The following STRN4 variants were observed in gnomAD, a reference collection of about 807,000 sequenced individuals.
STRN4 encodes striatin-4.
A neutral mutation model predicts 77.9 loss-of-function variants in STRN4; 27 were observed. The observed-to-expected ratio is 0.35, with a 90% CI of 0.26 to 0.48. The LOEUF (loss-of-function observed/expected upper bound fraction) is 0.48. Ranked by LOEUF, STRN4 falls within the 20% of genes least tolerant of loss-of-function variation. The pLI is 0.99. For missense variants in STRN4, 798 were observed against 1,049.7 expected, an observed-to-expected ratio of 0.76 and a Z score of 3.31; for synonymous variants, 466 against 443.1, an observed-to-expected ratio of 1.05 and a Z score of -0.65.
intron 4 of STRN4, chr19:46,736,071 T>G (rs983691919): frequency 1.3e-5 from 2 of 151,892 alleles, no homozygotes; most frequent in East Asian, 1.9e-4. Context: ...CTCAGGAGTT[T>G]GAGACCAGCC....
intron 4 of STRN4, chr19:46,736,341 A>G (rs935552623): frequency 6.6e-6 from 1 of 152,382 alleles, no homozygotes; most frequent in African/African-American, 2.4e-5. Context: ...AGTTACTGTG[A>G]TGATTCACAG....
In STRN4 at chr19:46,728,764, G is replaced by A. The variant is rs776644695; in HGVS notation, c.893C>T (p.Ala298Val). The A allele has an allele frequency of 3.7e-6, 6 of 1,614,058 alleles. No homozygotes were observed. Among genetic ancestry groups the A allele is most frequent in the Non-Finnish European group, 5.1e-6 (6 of 1,179,992 alleles). The change falls in exon 7 of 18, where the codon GCT (alanine) becomes GTT (valine). Residue 298 changes from alanine (A) to valine (V), a missense_variant. Physicochemically the swap from Ala to Val is moderately conservative, Grantham distance 64. This residue lies in a region of STRN4 where 511 missense variants were observed against 575.9 expected (regional missense o/e 0.89). Coordinates refer to ENST00000263280, the MANE Select transcript of STRN4 (RefSeq NM_013403.3). ...KKQRVKLPSK[A>V]LVPEMEDEDE... is the part of the protein sequence containing the mutation. ...CTCGTCTTCCATTTCGGGCACCAGA[G>A]CCTTGGATGGGAGCTGGCACATGGA...
rs77696598 is a variant in STRN4, at chr19:46,724,450, G to C, written c.1594+357C>G. Among the ~76,000 whole-genome samples, 1,025 of 152,234 alleles carry C rather than the reference G, an allele frequency of 6.7e-3. 14 individuals carry two copies. Among genetic ancestry groups the C allele is most frequent in the African/African-American group, 0.023 (955 of 41,528 alleles). ...CCCTCAACCACGCAGAGACCCTGGC[G>C]GATCCCCACACACAGAGTACACGGC... On this transcript the variant is annotated intron_variant, in intron 12 of 17. Transcript: ENST00000263280.
chr19:46,729,685 C>T (rs145622713), intron 6 of STRN4, among the ~76,000 whole-genome samples: 11 of 152,316 alleles, frequency 7.2e-5, no homozygotes, highest in Non-Finnish European at 1.5e-4. Flanking sequence ...GCCAACAGTG[C>T]CTGGAACCAT....
At position 46,728,602 on chromosome 19, in the gene STRN4, G is replaced by T; in HGVS notation, c.1039+16C>A. 2.5e-6 allele frequency: 4 copies of T among 1,608,154 alleles called. No homozygotes were observed. Among genetic ancestry groups the T allele is most frequent in the South Asian group, 1.1e-5 (1 of 90,960 alleles). On this transcript the variant is annotated intron_variant, in intron 7 of 17. Coordinates refer to ENST00000263280, the MANE Select transcript of STRN4 (RefSeq NM_013403.3). ...GGGGAAGGCAAGCGGGGGCTGGCCA[G>T]AAAACGTCAGCTCACCCAGCTCATG...
rs1019616938 is a variant in STRN4 at position 46,730,819 on chromosome 19, C to G, written c.792G>C (p.Gln264His). ...KERLGGSVLG[Q>H]IPFLQNCEDE... Reference sequence around the variant, plus strand: ...CCTCGCAGTTCTGCAGGAAGGGGATCTGCCCCAGCACTGAGCCGCCCAAGC... The same window carrying G: ...CCTCGCAGTTCTGCAGGAAGGGGATGTGCCCCAGCACTGAGCCGCCCAAGC... The change falls in exon 6 of 18, where the codon CAG (glutamine) becomes CAC (histidine). Residue 264 changes from glutamine (Q) to histidine (H), a missense_variant. Physicochemically the swap from Gln to His is conservative, Grantham distance 24. Coordinates refer to ENST00000263280, the MANE Select transcript of STRN4 (RefSeq NM_013403.3). 1.2e-6 allele frequency: 2 copies of G among 1,612,790 alleles called. No individual in the cohort carries two copies. Among genetic ancestry groups the G allele is most frequent in the Non-Finnish European group, 8.5e-7 (1 of 1,180,026 alleles).
At chr19:46,722,121 G>A (rs776241722) in intron 15 of STRN4, 49 bp from the exon 16 acceptor site, 11 of 1,607,922 alleles carry the variant, frequency 6.8e-6, no homozygotes, top group East Asian at 6.7e-5. Context: ...TCTGGGCCTC[G>A]CCTGAGAGAG....
At chr19:46,743,187 G>A (rs2054503699) in intron 1 of STRN4, among the ~76,000 whole-genome samples, 1 of 152,164 alleles carries the variant, frequency 6.6e-6, no homozygotes, top group African/African-American at 2.4e-5. Flanking sequence ...GGAGAGAAGA[G>A]CAGGAAAGGG....
In STRN4 at chr19:46,730,722, A is replaced by T. The variant is rs780456224; in HGVS notation, c.879+10T>A. Reference sequence around the variant, plus strand: ...GGCCAGGCTGTGCAGGGCATGGAGGAAGGGCTCACCTTCACACGCTGCTTC... The same window carrying T: ...GGCCAGGCTGTGCAGGGCATGGAGGTAGGGCTCACCTTCACACGCTGCTTC... On this transcript the variant is annotated intron_variant, in intron 6 of 17. Coordinates refer to ENST00000263280, the MANE Select transcript of STRN4 (RefSeq NM_013403.3). The T allele has an allele frequency of 6.2e-7, 1 of 1,611,006 alleles. No homozygotes were observed. Among genetic ancestry groups the T allele is most frequent in the Non-Finnish European group, 8.5e-7 (1 of 1,179,914 alleles).
intron 9 of STRN4, among the ~76,000 whole-genome samples, chr19:46,726,664 G>A (rs2054123334): frequency 6.6e-6 from 1 of 152,116 alleles, no homozygotes; most frequent in Non-Finnish European, 1.5e-5. Context: ...ACCCAGCAGG[G>A]GACCCGGAGA....
intron 1 of STRN4, among the ~76,000 whole-genome samples, chr19:46,742,009 T>G (rs2054483440): frequency 6.6e-6 from 1 of 152,062 alleles, no homozygotes; most frequent in African/African-American, 2.4e-5. Context: ...CCAGTTCAGA[T>G]CCCTCATTAA....
At chr19:46,722,166 C>G in intron 15 of STRN4, 76 bp downstream of exon 15, 4 of 1,598,332 alleles carry the variant, frequency 2.5e-6, no homozygotes, top group Non-Finnish European at 3.4e-6. Flanking sequence ...CAGAGCCTCC[C>G]ACAGGGACGC....
Position 46,720,539 on chromosome 19 carries a change from A to G in STRN4, c.*63T>C. 1 of 1,473,858 alleles carries G rather than the reference A, an allele frequency of 6.8e-7. No individual in the cohort carries two copies. Among genetic ancestry groups the G allele is most frequent in the South Asian group, 1.4e-5 (1 of 69,692 alleles). 91.3% of individuals were successfully genotyped at this position (1,473,858 alleles called of 1,614,324 possible). A position where few individuals can be genotyped will look rare whatever the true frequency, so the allele number is the denominator to read the frequency against. ...AATGCGGGGTTTCTGCCCTCACCTC[A>G]GCCCCACCTGCCCGGCCCTACACCC... On this transcript the variant is annotated 3_prime_UTR_variant, in exon 17 of 18. Coordinates refer to ENST00000263280, the MANE Select transcript of STRN4 (RefSeq NM_013403.3).
chr19:46,725,809 C>G, intron 9 of STRN4, 161 bp from the exon 10 acceptor site: 1 of 888,808 alleles, frequency 1.1e-6, no homozygotes, highest in Non-Finnish European at 1.7e-6. Context: ...CCTTCCTCTG[C>G]TGGGCAGAGT....
At position 46,725,229 on chromosome 19, in the gene STRN4, T is replaced by G. The variant is rs373357149; in HGVS notation, c.1472+103A>C. The G allele has an allele frequency of 3.9e-3, 5,950 of 1,508,798 alleles. 25 individuals are homozygous for G. The highest frequency in any genetic ancestry group is 9.2e-3 in the South Asian group (786 of 85,540). 93.5% of individuals were successfully genotyped at this position (1,508,798 alleles called of 1,614,324 possible). A position where few individuals can be genotyped will look rare whatever the true frequency, so the allele number is the denominator to read the frequency against. On this transcript the variant is annotated intron_variant, in intron 11 of 17. Transcript: ENST00000263280. ...GGGGCGGGGACTCAGAGCCCCCTGC[T>G]GTCCTGCCTCCTGCCGTGGGCCTCC...
chr19:46,736,619 C>T (rs973573395), intron 4 of STRN4, among the ~76,000 whole-genome samples: 20 of 151,216 alleles, frequency 1.3e-4, no homozygotes, highest in South Asian at 8.3e-4. Flanking sequence ...GGTGTCCCCA[C>T]GTCTGCCTCC....
chr19:46,736,696 T>C (rs1343120760), intron 4 of STRN4, 127 bp downstream of exon 4: 9 of 1,028,282 alleles, frequency 8.8e-6, no homozygotes, highest in African/African-American at 3.3e-5. Flanking sequence ...ATTCCAGCCA[T>C]GGCTGGCTAA....
Position 46,723,341 on chromosome 19 carries a change from A to T in STRN4, c.1595-57T>A. ...GTCAGGGCTGCCAGCTCCTCCCTGG[A>T]CAGCCCAGAGCCCCAGCTCTGCCAA... On this transcript the variant is annotated intron_variant, in intron 12 of 17. Transcript: ENST00000263280. This position sits in a 1 kb window ranked among gnomAD's most constrained non-coding sequence, Gnocchi z 5.5. 1 of 1,497,410 alleles carries T rather than the reference A, an allele frequency of 6.7e-7. No homozygotes were observed. Among genetic ancestry groups the T allele is most frequent in the Non-Finnish European group, 8.9e-7 (1 of 1,123,126 alleles). The allele number at this position is 1,497,410 out of a possible 1,614,324, so 92.8% of individuals were successfully genotyped here.
intron 7 of STRN4, 118 bp downstream of exon 7, chr19:46,728,500 G>A: frequency 7.4e-7 from 1 of 1,355,384 alleles, no homozygotes; most frequent in Non-Finnish European, 9.8e-7. Flanking sequence ...CTCCTCTCAG[G>A]AAACATATCC....
Sources: gnomAD v4.1 joint callset for allele counts (sites outside exome capture counted in the v4.1 genomes callset) on GRCh38, gnomAD v4.1.1 for gene constraint, gnomAD v4.1.1 regional missense constraint, Gnocchi (gnomAD v3.1) non-coding constraint, MANE v1.5 for transcripts, NCBI Gene and HGNC (gene_info 2026-07-23, HGNC 2026-07-21) for gene names.